Variants in PARK7 observed in about 807,000 individuals in gnomAD.
The protein encoded by PARK7 is Parkinsonism associated deglycase.
In PARK7, 14 loss-of-function variants were observed where a neutral mutation model predicts 20.5. That is an observed-to-expected ratio of 0.68 (90% CI 0.45 to 1.07). The LOEUF is 1.07. PARK7 is among the 50% of genes least tolerant of loss of function. The pLI, the probability that PARK7 is intolerant of heterozygous loss-of-function variation, is 0.00. For missense variants in PARK7, 234 were observed against 238.1 expected, an observed-to-expected ratio of 0.98 and a Z score of 0.11; for synonymous variants, 98 against 84.3, an observed-to-expected ratio of 1.16 and a Z score of -0.89.
intron 5 of PARK7, among the ~76,000 whole-genome samples, chr1:7,973,526 C>A (rs1364697914): frequency 6.6e-6 from 1 of 152,116 alleles, no homozygotes; most frequent in African/African-American, 2.4e-5. Flanking sequence ...CCAGCCTGGC[C>A]ACCATGGTGA....
intron 2 of PARK7, among the ~76,000 whole-genome samples, chr1:7,963,401 T>G (rs1462931041): frequency 6.6e-6 from 1 of 151,034 alleles, no homozygotes; most frequent in Non-Finnish European, 1.5e-5. Context: ...TTTTTTTTTT[T>G]GAGATGGTGT....
chr1:7,985,078 T>TA lies in PARK7; in HGVS notation c.*25dup. On this transcript the variant is annotated 3_prime_UTR_variant, in exon 7 of 7. Coordinates refer to ENST00000338639, the MANE Select transcript of PARK7 (RefSeq NM_007262.5). ...AGAGCAGCGAACTGCGACGATCACTTAGAGAAACAGGCCGTTAGGAATCCA... is the reference window on the plus strand; with the variant it reads ...AGAGCAGCGAACTGCGACGATCACTTAAGAGAAACAGGCCGTTAGGAATCCA... The TA allele has an allele frequency of 1.2e-6, 2 of 1,611,522 alleles. No individual in the cohort carries two copies. The highest frequency in any genetic ancestry group is 1.3e-5 in the African/African-American group (1 of 74,996).
At chr1:7,983,221 C>G (rs1198876437) in intron 6 of PARK7, among the ~76,000 whole-genome samples, 1 of 152,200 alleles carries the variant, frequency 6.6e-6, no homozygotes, top group Non-Finnish European at 1.5e-5. Context: ...AAAGCTGTGC[C>G]CTCAGGGTGT....
chr1:7,962,806 G>A lies in PARK7; in HGVS notation c.21G>A (p.Leu7=). ...TAAAAATGGCTTCCAAAAGAGCTCT[G>A]GTCATCCTGGCTAAAGGAGCAGAGG... MASKRA[L]VILAKGAEEM... The change falls in exon 2 of 7, where the codon CTG becomes CTA. Residue 7 remains leucine (L), a synonymous_variant. Transcript: ENST00000338639. 1 of 1,609,708 alleles carries A rather than the reference G, an allele frequency of 6.2e-7. No homozygotes were observed. Among genetic ancestry groups the A allele is most frequent in the Non-Finnish European group, 8.5e-7 (1 of 1,178,896 alleles).
intron 5 of PARK7, among the ~76,000 whole-genome samples, chr1:7,972,918 A>G (rs1462961530): frequency 6.6e-6 from 1 of 152,008 alleles, no homozygotes; most frequent in East Asian, 1.9e-4. Flanking sequence ...GGGTATGGTG[A>G]TGCATTCCTG....
chr1:7,984,903 C>T lies in PARK7; in HGVS notation c.419C>T (p.Thr140Ile). 1.2e-6 allele frequency: 2 copies of T among 1,614,170 alleles called. No individual in the cohort carries two copies. The highest frequency in any genetic ancestry group is 2.2e-5 in the East Asian group (1 of 44,888). Reference protein sequence around the residue: ...KDKMMNGGHYTYSENRVEKDG... With the variant: ...KDKMMNGGHYIYSENRVEKDG... ...TGTTTCTACTTTGCAGGTCATTACA[C>T]CTACTCTGAGAATCGTGTGGAAAAA... is the stretch of plus-strand genomic sequence containing the variant. The change falls in exon 7 of 7, where the codon ACC becomes ATC. Residue 140 changes from threonine to isoleucine, a missense_variant. Transcript: ENST00000338639. The surrounding 1 kb of genome is among the most constrained non-coding windows in gnomAD (Gnocchi z 4.3).
intron 6 of PARK7, among the ~76,000 whole-genome samples, chr1:7,978,287 C>T (rs964377861): frequency 4.6e-5 from 7 of 151,744 alleles, no homozygotes; most frequent in Non-Finnish European, 7.4e-5. Flanking sequence ...TGAGCCACCG[C>T]GCCCAGTCTC....
At chr1:7,981,030 G>A (rs1032249314) in intron 6 of PARK7, among the ~76,000 whole-genome samples, 9 of 152,030 alleles carry the variant, frequency 5.9e-5, no homozygotes, top group African/African-American at 1.2e-4. Flanking sequence ...TAATTCCTCC[G>A]ATTTTAGAAT....
intron 2 of PARK7, among the ~76,000 whole-genome samples, chr1:7,964,126 T>C (rs1640274101): frequency 6.6e-6 from 1 of 152,180 alleles, no homozygotes; most frequent in Admixed American, 6.6e-5. Context: ...CGCATGTCTT[T>C]AAGGTAGCAT....
chr1:7,982,558 A>G (rs1030255918), intron 6 of PARK7, among the ~76,000 whole-genome samples: 3 of 151,992 alleles, frequency 2.0e-5, no homozygotes, highest in Admixed American at 6.5e-5. Flanking sequence ...AGAACCTTTA[A>G]GCATATTTAA....
At chr1:7,972,094 G>A (rs1227696961) in intron 5 of PARK7, 1 of 152,194 alleles carries the variant, frequency 6.6e-6, no homozygotes, top group Non-Finnish European at 1.5e-5. Context: ...TGGGCCAGAG[G>A]TCCTGGGGAC....
intron 4 of PARK7, among the ~76,000 whole-genome samples, chr1:7,969,864 C>T (rs1640425227): frequency 6.6e-6 from 1 of 152,156 alleles, no homozygotes; most frequent in South Asian, 2.1e-4. Flanking sequence ...AGGCGTGAGC[C>T]ACCACTCCCG....
At chr1:7,970,196 T>C (rs777987303) in intron 4 of PARK7, among the ~76,000 whole-genome samples, 26 of 151,678 alleles carry the variant, frequency 1.7e-4, no homozygotes, top group Admixed American at 5.9e-4. Flanking sequence ...ACCTGTCTTA[T>C]CAGAAAAAAA....
chr1:7,982,602 C>T lies in PARK7; in HGVS notation c.410-2292C>T, dbSNP rs1185923572. On this transcript the variant is annotated intron_variant, in intron 6 of 6. Coordinates refer to ENST00000338639, the MANE Select transcript of PARK7 (RefSeq NM_007262.5). ...AGCCCTGTTTGCGATGTTTTAGCCA[C>T]AAAGATACTGTTCAGTGAACCATTT... 2.0e-5 allele frequency among the ~76,000 whole-genome samples: 3 copies of T among 152,174 alleles called. No homozygotes were observed. In the East Asian group the frequency reaches 5.8e-4, roughly 29 times the overall value.
chr1:7,976,876 A>C (rs1640594245), intron 5 of PARK7, among the ~76,000 whole-genome samples: 1 of 152,070 alleles, frequency 6.6e-6, no homozygotes, highest in Non-Finnish European at 1.5e-5. Flanking sequence ...GCCCGCCACC[A>C]CGCACAGCTA....
chr1:7,981,600 G>C (rs1490682723), intron 6 of PARK7, among the ~76,000 whole-genome samples: 2 of 152,084 alleles, frequency 1.3e-5, no homozygotes, highest in Non-Finnish European at 2.9e-5. Context: ...TGCAAAAACA[G>C]GCAGCAACCT....
chr1:7,972,060 C>T (rs1335330941), intron 5 of PARK7: 1 of 152,198 alleles, frequency 6.6e-6, no homozygotes, highest in Admixed American at 6.6e-5. Context: ...TTGTTCAATA[C>T]AGTAGGCTTT....
chr1:7,978,064 TCTGCTCA>T (rs1179040914), intron 6 of PARK7, among the ~76,000 whole-genome samples: 1 of 146,754 alleles, frequency 6.8e-6, no homozygotes, highest in Non-Finnish European at 1.5e-5. Flanking sequence ...TGGTGCGTTC[TCTGCTCA>T]CTGCAACTTC....
At chr1:7,969,290 A>T in intron 3 of PARK7, 55 bp from the exon 4 acceptor site, 1 of 1,414,546 alleles carries the variant, frequency 7.1e-7, no homozygotes, top group Non-Finnish European at 1.0e-6. Context: ...CTGTCAATTT[A>T]ATGCACAGTT....
Sources: allele counts gnomAD v4.1 joint callset (sites outside exome capture counted in the v4.1 genomes callset), GRCh38; gene constraint gnomAD v4.1.1; non-coding constraint Gnocchi (gnomAD v3.1); transcripts MANE v1.5; gene names NCBI Gene and HGNC (gene_info 2026-07-23, HGNC 2026-07-21).